The following MAN1C1 variants were observed in gnomAD, a reference collection of about 807,000 sequenced individuals.
MAN1C1 encodes the protein mannosidase alpha class 1C member 1.
In MAN1C1, 49 loss-of-function variants were observed where a neutral mutation model predicts 71.5. The ratio of observed to expected loss-of-function variants is 0.69; its 90% confidence interval spans 0.54 to 0.87. The LOEUF (loss-of-function observed/expected upper bound fraction) is 0.87. Among genes scored for constraint, MAN1C1 ranks in the 40% least tolerant of loss-of-function variants. The pLI is 0.00. For synonymous variants in MAN1C1, 352 were observed against 343.7 expected, an observed-to-expected ratio of 1.02 and a Z score of -0.27; for missense variants, 743 against 835.0, an observed-to-expected ratio of 0.89 and a Z score of 1.36.
intron 1 of MAN1C1, among the ~76,000 whole-genome samples, chr1:25,643,530 C>G (rs1318048674): frequency 2.1e-5 from 3 of 145,624 alleles, no homozygotes; most frequent in Non-Finnish European, 4.5e-5. Flanking sequence ...CTCGGCCTCC[C>G]CAAGTGTTGG....
rs1480300230 is a variant in MAN1C1 at position 25,778,536 on chromosome 1, A to T, written c.1477+212A>T. Among the ~76,000 whole-genome samples, 2 of 152,200 alleles carry T rather than the reference A, an allele frequency of 1.3e-5. No homozygotes were observed. The highest frequency in any genetic ancestry group is 4.8e-5 in the African/African-American group (2 of 41,442). On this transcript the variant is annotated intron_variant, in intron 9 of 11. Coordinates refer to ENST00000374332, the MANE Select transcript of MAN1C1 (RefSeq NM_020379.4). This position sits in a 1 kb window ranked among gnomAD's most constrained non-coding sequence, Gnocchi z 5.5. ...AGTACAGACACAGGAAGCGCTTTGC[A>T]TGTACCTGGTACTCTTCCGCACTTG...
In MAN1C1 at chr1:25,641,806, CAA is replaced by C. The variant is rs570368943; in HGVS notation, c.540+23470_540+23471del. ...AATTGAGTGAGAAAAAAGCTGGAGACAAGAGTCAAAACTGAGTTTTCCAGAGT... is the reference window on the plus strand; with the variant it reads ...AATTGAGTGAGAAAAAAGCTGGAGACGAGTCAAAACTGAGTTTTCCAGAGT... On this transcript the variant is annotated intron_variant, in intron 1 of 11. Coordinates refer to ENST00000374332, the MANE Select transcript of MAN1C1 (RefSeq NM_020379.4). Among the ~76,000 whole-genome samples, 63 of 152,284 alleles carry C rather than the reference CAA, an allele frequency of 4.1e-4. 1 individual carries two copies. Among genetic ancestry groups the C allele is most frequent in the Non-Finnish European group, 6.9e-4 (47 of 68,026 alleles).
At chr1:25,715,929 C>T (rs192140985) in intron 2 of MAN1C1, among the ~76,000 whole-genome samples, 32 of 152,202 alleles carry the variant, frequency 2.1e-4, no homozygotes, top group African/African-American at 6.5e-4. Context: ...ACCCCACCAT[C>T]GTCAGGGACT....
intron 1 of MAN1C1, among the ~76,000 whole-genome samples, chr1:25,621,951 G>A (rs1290747811): frequency 6.6e-6 from 1 of 152,132 alleles, no homozygotes; most frequent in Non-Finnish European, 1.5e-5. Flanking sequence ...TTGTTCTGGG[G>A]AACCTCAGTT....
chr1:25,768,399 C>A, intron 7 of MAN1C1, among the ~76,000 whole-genome samples: 1 of 137,482 alleles, frequency 7.3e-6, no homozygotes, highest in South Asian at 2.5e-4. Flanking sequence ...CACATACATC[C>A]ACACTCCCCT....
Position 25,686,210 on chromosome 1 carries a change from C to G in MAN1C1, c.541-230C>G, listed in dbSNP as rs146338876. 5.8e-4 allele frequency among the ~76,000 whole-genome samples: 88 copies of G among 152,308 alleles called. 1 individual carries two copies. Among genetic ancestry groups the G allele is most frequent in the African/African-American group, 2.0e-3 (84 of 41,580 alleles). ...GCTTTTTCTGTCTTCTCTAAGAAAT[C>G]TGTGGGTAGGCCCTAGACACATGGC... On this transcript the variant is annotated intron_variant, in intron 1 of 11. Transcript: ENST00000374332.
chr1:25,700,566 A>G (rs187446598), intron 2 of MAN1C1, among the ~76,000 whole-genome samples: 132 of 152,354 alleles, frequency 8.7e-4, no homozygotes, highest in Non-Finnish European at 1.5e-3. Flanking sequence ...GACACAGGCC[A>G]TCCCCCTGTG....
chr1:25,719,395 TTTTATTTATTTATTTATTTA>T (rs76291035), intron 2 of MAN1C1, among the ~76,000 whole-genome samples: 3,275 of 139,954 alleles, frequency 0.023, 109 homozygotes, highest in African/African-American at 0.078. Flanking sequence ...ATTTTTTATC[TTTTATTTATTTATTTATTTA>T]TTTATTTATT....
chr1:25,758,640 G>A lies in MAN1C1; in HGVS notation c.978G>A (p.Glu326=), dbSNP rs758411662. The stretch of plus-strand genomic sequence containing the variant: ...CCGGCAGCAGCAGCATCTTGGCGGA[G>A]TTTGGATCCCTGCACTTGGAATTCT... ...ATAGSSSILA[E]FGSLHLEFLH... The change falls in exon 6 of 12, where the codon GAG becomes GAA. Residue 326 remains glutamate (E), a synonymous_variant. Coordinates refer to ENST00000374332, the MANE Select transcript of MAN1C1 (RefSeq NM_020379.4). The A allele has an allele frequency of 6.2e-7, 1 of 1,614,216 alleles. No homozygotes were observed.
chr1:25,672,419 G>A (rs2046005265), intron 1 of MAN1C1, among the ~76,000 whole-genome samples: 1 of 152,138 alleles, frequency 6.6e-6, no homozygotes, highest in South Asian at 2.1e-4. Flanking sequence ...GCATCCCTTA[G>A]TGCAGTCAAG....
intron 4 of MAN1C1, among the ~76,000 whole-genome samples, 174 bp downstream of exon 4, chr1:25,749,509 G>A (rs933748313): frequency 3.3e-5 from 5 of 152,116 alleles, no homozygotes; most frequent in African/African-American, 9.7e-5. Flanking sequence ...CCATCCCTCC[G>A]CTCCCTGTTT....
chr1:25,632,046 G>A (rs2045389168), intron 1 of MAN1C1, among the ~76,000 whole-genome samples: 1 of 152,182 alleles, frequency 6.6e-6, no homozygotes, highest in South Asian at 2.1e-4. Context: ...CCAAAGTGTT[G>A]GGATTACAGA....
chr1:25,646,185 G>A (rs984804834), intron 1 of MAN1C1: 2 of 152,320 alleles, frequency 1.3e-5, no homozygotes, highest in Non-Finnish European at 2.9e-5. Context: ...CGGAGTTCCT[G>A]TTCCTTCCTC....
intron 2 of MAN1C1, among the ~76,000 whole-genome samples, chr1:25,695,911 G>C (rs1395049984): frequency 6.6e-6 from 1 of 152,206 alleles, no homozygotes; most frequent in African/African-American, 2.4e-5. Context: ...GTGACTGCTG[G>C]TTGGTTACTA....
chr1:25,771,115 A>G (rs139645667), intron 7 of MAN1C1, among the ~76,000 whole-genome samples: 168 of 152,226 alleles, frequency 1.1e-3, no homozygotes, highest in African/African-American at 3.8e-3. Context: ...TTCCAACTCA[A>G]TTCTTCTCTT....
intron 5 of MAN1C1, among the ~76,000 whole-genome samples, chr1:25,754,601 T>C (rs2047260827): frequency 6.6e-6 from 1 of 152,048 alleles, no homozygotes; most frequent in African/African-American, 2.4e-5. Context: ...TCCTCAGAGC[T>C]GGACTCCTGG....
chr1:25,751,754 T>C (rs1462829476), intron 4 of MAN1C1, among the ~76,000 whole-genome samples: 2 of 152,186 alleles, frequency 1.3e-5, no homozygotes, highest in Non-Finnish European at 2.9e-5. Context: ...ATGAGGAAAC[T>C]GAGACTTAGA....
At chr1:25,724,773 C>T (rs2046811343) in intron 2 of MAN1C1, among the ~76,000 whole-genome samples, 2 of 152,166 alleles carry the variant, frequency 1.3e-5, no homozygotes, top group African/African-American at 4.8e-5. Flanking sequence ...AAACAAGGAA[C>T]CTGGGGTTCT....
intron 9 of MAN1C1, chr1:25,780,737 G>C (rs1224119655): frequency 1.7e-6 from 1 of 573,248 alleles, no homozygotes; most frequent in African/African-American, 1.9e-5. Context: ...CGAGGGTCTT[G>C]TTCTGTCCAG....
Sources: gnomAD v4.1 joint callset for allele counts (sites outside exome capture counted in the v4.1 genomes callset) on GRCh38, gnomAD v4.1.1 for gene constraint, Gnocchi (gnomAD v3.1) non-coding constraint, MANE v1.5 for transcripts, NCBI Gene and HGNC (gene_info 2026-07-23, HGNC 2026-07-21) for gene names.